The following ERC2 variants were observed in gnomAD, a reference collection of about 807,000 sequenced individuals.
ERC2 encodes ERC protein 2.
A neutral mutation model predicts 114.8 loss-of-function variants in ERC2; 42 were observed. That is an observed-to-expected ratio of 0.37 (90% CI 0.29 to 0.47). ERC2 has a LOEUF of 0.47. Ranked by LOEUF, ERC2 falls within the 20% of genes least tolerant of loss-of-function variation. ERC2 has a pLI of 0.99. For missense variants in ERC2, 939 were observed against 1,150.7 expected, an observed-to-expected ratio of 0.82 and a Z score of 2.66; for synonymous variants, 454 against 425.5, an observed-to-expected ratio of 1.07 and a Z score of -0.82.
At chr3:56,375,865 C>T (rs189477926) in intron 2 of ERC2, among the ~76,000 whole-genome samples, 2 of 152,262 alleles carry the variant, frequency 1.3e-5, no homozygotes, top group Admixed American at 6.5e-5. Flanking sequence ...CTCTCTTGCT[C>T]AATCACTCTG....
chr3:55,988,280 C>A (rs567507017), intron 11 of ERC2, among the ~76,000 whole-genome samples: 5 of 152,280 alleles, frequency 3.3e-5, no homozygotes, highest in Admixed American at 2.6e-4. Flanking sequence ...CTCTCAGAGA[C>A]TTGCTCAAGG....
At chr3:56,367,873 A>G (rs1480951523) in intron 2 of ERC2, among the ~76,000 whole-genome samples, 1 of 151,724 alleles carries the variant, frequency 6.6e-6, no homozygotes, top group Non-Finnish European at 1.5e-5. Context: ...GGAGTTAAAA[A>G]CAAAAACAAA....
chr3:56,033,030 C>CATAA (rs1419601491), intron 7 of ERC2, among the ~76,000 whole-genome samples: 1 of 65,184 alleles, frequency 1.5e-5, no homozygotes, highest in African/African-American at 5.4e-5. Flanking sequence ...AAAAAAGAAA[C>CATAA]AGAAAGAAAG....
intron 17 of ERC2, among the ~76,000 whole-genome samples, chr3:55,678,791 A>G (rs1036895559): frequency 1.3e-5 from 2 of 152,142 alleles, no homozygotes; most frequent in Admixed American, 6.5e-5. Context: ...ACCACCACCA[A>G]TAATGGCCTG....
intron 2 of ERC2, among the ~76,000 whole-genome samples, chr3:56,370,793 C>T (rs2059337560): frequency 6.6e-6 from 1 of 152,062 alleles, no homozygotes; most frequent in Admixed American, 6.5e-5. Flanking sequence ...AGGGGTTTCA[C>T]CATGTTGGCA....
chr3:56,455,481 C>T (rs1468981018), intron 1 of ERC2, among the ~76,000 whole-genome samples: 1 of 152,148 alleles, frequency 6.6e-6, no homozygotes, highest in Admixed American at 6.5e-5. Context: ...CTAGTGACCC[C>T]CTGTAAGTCC....
At chr3:55,844,145 T>C (rs1025771108) in intron 14 of ERC2, among the ~76,000 whole-genome samples, 4 of 152,210 alleles carry the variant, frequency 2.6e-5, no homozygotes, top group African/African-American at 9.7e-5. Context: ...TGGCATATGC[T>C]GTCTACCACT....
chr3:56,263,901 C>A (rs531068058), intron 3 of ERC2, among the ~76,000 whole-genome samples: 4 of 151,934 alleles, frequency 2.6e-5, no homozygotes, highest in Non-Finnish European at 4.4e-5. Flanking sequence ...AAGCAAAAAT[C>A]CTCAATAAAA....
At chr3:56,405,807 A>G (rs907132501) in intron 2 of ERC2, among the ~76,000 whole-genome samples, 7 of 151,666 alleles carry the variant, frequency 4.6e-5, no homozygotes, top group African/African-American at 1.7e-4. Flanking sequence ...ACATAGAACA[A>G]TTGTGATGAA....
chr3:55,524,419 G>T (rs2053170673), intron 17 of ERC2, among the ~76,000 whole-genome samples: 1 of 151,420 alleles, frequency 6.6e-6, no homozygotes, highest in South Asian at 2.1e-4. Context: ...ACCTCTGGCA[G>T]CCAGCCACGT....
intron 17 of ERC2, among the ~76,000 whole-genome samples, chr3:55,533,993 G>A (rs1210728472): frequency 6.6e-6 from 1 of 152,186 alleles, no homozygotes; most frequent in Non-Finnish European, 1.5e-5. Context: ...TGGAATCCCA[G>A]CTTGGCCACT....
chr3:55,994,773 G>A (rs566902978), intron 10 of ERC2, among the ~76,000 whole-genome samples: 3 of 149,016 alleles, frequency 2.0e-5, no homozygotes, highest in African/African-American at 4.9e-5. Context: ...ATTATTCAAC[G>A]CCACTTTTCA....
At chr3:55,726,400 A>T (rs2064919582) in intron 15 of ERC2, among the ~76,000 whole-genome samples, 1 of 152,222 alleles carries the variant, frequency 6.6e-6, no homozygotes, top group South Asian at 2.1e-4. Context: ...GAAAGTGTAA[A>T]TGGGAAGCAC....
At chr3:55,997,886 T>TG (rs1351410365) in intron 10 of ERC2, among the ~76,000 whole-genome samples, 10 of 36,544 alleles carry the variant, frequency 2.7e-4, no homozygotes, top group African/African-American at 8.1e-4. Flanking sequence ...TTCTGTTTTT[T>TG]TTTTTTTTTT....
chr3:55,936,938 C>T (rs12488382), intron 13 of ERC2, among the ~76,000 whole-genome samples: 16,022 of 152,232 alleles, frequency 0.11, 1,236 homozygotes, highest in East Asian at 0.24. Flanking sequence ...ACTACCATCA[C>T]CCGAAACTTA....
intron 4 of ERC2, among the ~76,000 whole-genome samples, chr3:56,166,339 AAT>A (rs527414213): frequency 6.6e-6 from 1 of 152,080 alleles, no homozygotes; most frequent in South Asian, 2.1e-4. Flanking sequence ...CCTTTTTTGT[AAT>A]ATATTTGCTG....
intron 13 of ERC2, among the ~76,000 whole-genome samples, chr3:55,933,325 G>T (rs1033219354): frequency 1.3e-5 from 2 of 151,932 alleles, no homozygotes; most frequent in South Asian, 4.2e-4. Context: ...CCAAAGAAAA[G>T]AATCTTAAAT....
intron 17 of ERC2, among the ~76,000 whole-genome samples, chr3:55,559,377 C>T (rs900031490): frequency 2.6e-5 from 4 of 152,370 alleles, no homozygotes; most frequent in African/African-American, 9.6e-5. Context: ...CCTCCTAGGG[C>T]AGGACTGAAG....
At chr3:56,147,980 T>G (rs553400903) in intron 5 of ERC2, among the ~76,000 whole-genome samples, 227 of 152,300 alleles carry the variant, frequency 1.5e-3, no homozygotes, top group African/African-American at 5.3e-3. Flanking sequence ...TATAAACTAA[T>G]AGAGCAGGTT....
Sources: gnomAD v4.1 joint callset for allele counts (sites outside exome capture counted in the v4.1 genomes callset) on GRCh38, gnomAD v4.1.1 for gene constraint, MANE v1.5 for transcripts, NCBI Gene and HGNC (gene_info 2026-07-23, HGNC 2026-07-21) for gene names.